The following ATG7 variants were observed in gnomAD, a reference collection of about 807,000 sequenced individuals.
ATG7 encodes ubiquitin-like modifier-activating enzyme ATG7.
Under a neutral mutation model 82.4 loss-of-function variants are expected in ATG7, and 70 were observed. That is an observed-to-expected ratio of 0.85 (90% CI 0.70 to 1.04). The LOEUF (loss-of-function observed/expected upper bound fraction) is 1.04. Among genes scored for constraint, ATG7 ranks in the 50% least tolerant of loss-of-function variants. The pLI is 0.00. For missense variants in ATG7, 792 were observed against 864.3 expected, an observed-to-expected ratio of 0.92 and a Z score of 1.05; for synonymous variants, 287 against 313.0, an observed-to-expected ratio of 0.92 and a Z score of 0.88.
chr3:11,318,675 G>A (rs944025315), intron 9 of ATG7, among the ~76,000 whole-genome samples: 5 of 152,148 alleles, frequency 3.3e-5, no homozygotes, highest in Non-Finnish European at 7.4e-5. Context: ...TTAGCTTGGC[G>A]TTTGAGGTCT....
intron 20 of ATG7, among the ~76,000 whole-genome samples, chr3:11,515,157 G>A (rs147781996): frequency 2.6e-5 from 4 of 151,938 alleles, no homozygotes; most frequent in Non-Finnish European, 4.4e-5. Flanking sequence ...AAAATGCTTC[G>A]TTCCTGAGAA....
intron 10 of ATG7, 21 bp from the exon 11 acceptor site, chr3:11,332,951 A>C: frequency 7.0e-7 from 1 of 1,434,286 alleles, no homozygotes; most frequent in Non-Finnish European, 9.2e-7. Context: ...TAAATAAATA[A>C]AAATCCGGGC....
intron 20 of ATG7, among the ~76,000 whole-genome samples, chr3:11,532,644 G>A (rs952180900): frequency 1.3e-5 from 2 of 152,132 alleles, no homozygotes; most frequent in African/African-American, 4.8e-5. Flanking sequence ...CACTGCTTGA[G>A]TCCCCAAGGC....
chr3:11,357,122 G>A (rs1170666154), intron 14 of ATG7, among the ~76,000 whole-genome samples: 10 of 152,144 alleles, frequency 6.6e-5, no homozygotes, highest in Non-Finnish European at 1.5e-4. Flanking sequence ...AGTAGGTGAG[G>A]GGTTTTGGCA....
At chr3:11,405,735 C>A (rs1326051906) in intron 19 of ATG7, among the ~76,000 whole-genome samples, 3 of 151,994 alleles carry the variant, frequency 2.0e-5, no homozygotes, top group African/African-American at 7.3e-5. Context: ...TCAGGTGATT[C>A]TCCCACTTCA....
intron 20 of ATG7, among the ~76,000 whole-genome samples, chr3:11,495,746 T>C (rs2090778272): frequency 6.6e-6 from 1 of 152,246 alleles, no homozygotes; most frequent in Non-Finnish European, 1.5e-5. Flanking sequence ...ACCAAGTTTC[T>C]ATTTTGCCGT....
chr3:11,357,673 G>C (rs1298636361), intron 14 of ATG7, among the ~76,000 whole-genome samples: 1 of 152,096 alleles, frequency 6.6e-6, no homozygotes, highest in Non-Finnish European at 1.5e-5. Flanking sequence ...GAAACAGAAG[G>C]GAGGGCAATT....
chr3:11,338,998 A>G (rs945045971), intron 11 of ATG7, among the ~76,000 whole-genome samples: 2 of 152,146 alleles, frequency 1.3e-5, no homozygotes, highest in Non-Finnish European at 2.9e-5. Context: ...AGAATGGACA[A>G]AGAAAACCAG....
intron 20 of ATG7, among the ~76,000 whole-genome samples, chr3:11,459,026 C>G (rs372883269): frequency 1.7e-3 from 259 of 152,242 alleles, no homozygotes; most frequent in African/African-American, 5.7e-3. Flanking sequence ...CATCACCCCC[C>G]CATCTATGGA....
At chr3:11,480,656 C>T (rs1023385875) in intron 20 of ATG7, among the ~76,000 whole-genome samples, 2 of 152,198 alleles carry the variant, frequency 1.3e-5, no homozygotes, top group Non-Finnish European at 2.9e-5. Context: ...TCTGCCTCCC[C>T]TCTGGGCTGG....
rs920931020 is a variant in ATG7, at chr3:11,348,182, C to T, written c.1284+147C>T. On this transcript the variant is annotated intron_variant, in intron 14 of 20. Coordinates refer to ENST00000693202, the MANE Select transcript of ATG7 (RefSeq NM_001349232.2). The stretch of plus-strand genomic sequence containing the variant: ...CTATGTGGCTGAACCTCTGTTTCCT[C>T]ATCTCAGAGAGGGATAAAAAAACAC... 4 of 1,138,706 alleles carry T rather than the reference C, an allele frequency of 3.5e-6. No individual in the cohort carries two copies. The African/African-American group carries it at 4.7e-5, about 13-fold the overall frequency. The allele number at this position is 1,138,706 out of a possible 1,614,324, so 70.5% of individuals were successfully genotyped here.
chr3:11,469,064 A>G (rs1279301486), intron 20 of ATG7, among the ~76,000 whole-genome samples: 1 of 152,202 alleles, frequency 6.6e-6, no homozygotes, highest in East Asian at 1.9e-4. Context: ...GCCCATTGTG[A>G]ATCAAGTCCT....
At chr3:11,481,556 A>G (rs1250557851) in intron 20 of ATG7, among the ~76,000 whole-genome samples, 1 of 152,212 alleles carries the variant, frequency 6.6e-6, no homozygotes, top group Non-Finnish European at 1.5e-5. Context: ...CTAAGATCTT[A>G]TCTAAGTTAA....
intron 1 of ATG7, among the ~76,000 whole-genome samples, chr3:11,277,891 A>ACCCCCCCCCCCCCCCCCCCCCCC (rs71626995): frequency 1.6e-5 from 1 of 60,794 alleles, no homozygotes; most frequent in Non-Finnish European, 2.9e-5. Flanking sequence ...CCCTTTATAG[A>ACCCCCCCCCCCCCCCCCCCCCCC]CCCCCCCCCC....
the ATG7 span, among the ~76,000 whole-genome samples, chr3:11,576,003 G>A: frequency 2.0e-5 from 3 of 152,182 alleles, no homozygotes; most frequent in Non-Finnish European, 2.9e-5. Flanking sequence ...ATGTAAATAA[G>A]GTACCAGTTT....
intron 20 of ATG7, among the ~76,000 whole-genome samples, chr3:11,465,094 T>TGC (rs1342509647): frequency 6.6e-6 from 1 of 150,878 alleles, no homozygotes; most frequent in Admixed American, 6.6e-5. Context: ...CTAAAGTGTG[T>TGC]GTGTGTGTGT....
At chr3:11,448,243 G>A (rs958479088) in intron 20 of ATG7, among the ~76,000 whole-genome samples, 2 of 152,200 alleles carry the variant, frequency 1.3e-5, no homozygotes, top group African/African-American at 4.8e-5. Context: ...TTGGAGCACA[G>A]TGCCTCCTCC....
At chr3:11,280,697 A>G (rs886707581) in intron 1 of ATG7, among the ~76,000 whole-genome samples, 3 of 152,344 alleles carry the variant, frequency 2.0e-5, no homozygotes, top group Middle Eastern at 3.4e-3. Flanking sequence ...AAGCAAATCT[A>G]TATCATTATC....
intron 18 of ATG7, among the ~76,000 whole-genome samples, chr3:11,367,878 G>A (rs2076733083): frequency 6.7e-6 from 1 of 150,266 alleles, no homozygotes; most frequent in African/African-American, 2.4e-5. Flanking sequence ...AAATCATTTT[G>A]TTGATGTGTG....
Sources: gnomAD v4.1 joint callset for allele counts (sites outside exome capture counted in the v4.1 genomes callset) on GRCh38, gnomAD v4.1.1 for gene constraint, MANE v1.5 for transcripts, NCBI Gene and HGNC (gene_info 2026-07-23, HGNC 2026-07-21) for gene names.